The following RAB38 variants were observed in gnomAD, a reference collection of about 807,000 sequenced individuals.
The protein encoded by RAB38 is RAB38, member RAS oncogene family.
RAB38 carries 15 observed loss-of-function variants against 18.4 expected under a neutral mutation model. That is an observed-to-expected ratio of 0.82 (90% CI 0.55 to 1.26). The LOEUF (loss-of-function observed/expected upper bound fraction) is 1.26. RAB38 is among the 50% of genes most tolerant of loss of function. RAB38 has a pLI of 0.00. For missense variants in RAB38, 294 were observed against 267.4 expected (o/e 1.10, Z -0.69); for synonymous variants, 101 against 104.4 (o/e 0.97, Z 0.20).
chr11:88,124,931 G>T (rs1269511480), intron 2 of RAB38, among the ~76,000 whole-genome samples: 1 of 152,156 alleles, frequency 6.6e-6, no homozygotes, highest in Non-Finnish European at 1.5e-5. Flanking sequence ...GCTTTAATTT[G>T]CTACGCAATA....
At chr11:88,099,731 A>T in the RAB38 span, among the ~76,000 whole-genome samples, 1 of 151,824 alleles carries the variant, frequency 6.6e-6, no homozygotes, top group Non-Finnish European at 1.5e-5. Context: ...CTAGGACAAG[A>T]GTGTTGGGTC....
chr11:88,062,648 T>C, the RAB38 span, among the ~76,000 whole-genome samples: 2 of 152,326 alleles, frequency 1.3e-5, no homozygotes, highest in South Asian at 4.1e-4. Context: ...CTGACTGTCT[T>C]TAATTAATCT....
chr11:87,851,030 G>T, the RAB38 span, among the ~76,000 whole-genome samples: 1 of 152,194 alleles, frequency 6.6e-6, no homozygotes, highest in Admixed American at 6.6e-5. Context: ...AAGCCTGGGG[G>T]CGGTCCCCCG....
chr11:88,162,956 C>T (rs1250189929), intron 1 of RAB38, among the ~76,000 whole-genome samples: 1 of 152,154 alleles, frequency 6.6e-6, no homozygotes, highest in Non-Finnish European at 1.5e-5. Context: ...TCTACCCATT[C>T]TTTAAGGTTG....
the RAB38 span, among the ~76,000 whole-genome samples, chr11:87,865,881 G>A: frequency 6.6e-6 from 1 of 151,750 alleles, no homozygotes; most frequent in African/African-American, 2.4e-5. Flanking sequence ...GGACTATGTT[G>A]GTGCAACAGC....
chr11:87,910,826 G>C, the RAB38 span, among the ~76,000 whole-genome samples: 1 of 151,496 alleles, frequency 6.6e-6, no homozygotes, highest in Admixed American at 6.6e-5. Flanking sequence ...TAGTAGAGAC[G>C]GGGTTTCACC....
intron 2 of RAB38, among the ~76,000 whole-genome samples, chr11:88,119,603 A>T (rs1942604084): frequency 1.3e-5 from 2 of 151,730 alleles, no homozygotes; most frequent in South Asian, 4.2e-4. Context: ...CAGTTTTTTA[A>T]TTAGCTCTTC....
At chr11:88,022,551 C>G in the RAB38 span, among the ~76,000 whole-genome samples, 1 of 126,708 alleles carries the variant, frequency 7.9e-6, no homozygotes, top group African/African-American at 2.9e-5. Context: ...AAGGAAGAAG[C>G]CAAACTATTC....
chr11:87,906,264 C>T, the RAB38 span, among the ~76,000 whole-genome samples: 2 of 151,868 alleles, frequency 1.3e-5, no homozygotes, highest in Non-Finnish European at 2.9e-5. Flanking sequence ...TCAATTATTC[C>T]CATTTTCACC....
the RAB38 span, among the ~76,000 whole-genome samples, chr11:88,015,812 AG>A: frequency 1.3e-5 from 2 of 152,026 alleles, no homozygotes. Context: ...TGGGCTTTGG[AG>A]CCTTTGCATG....
At chr11:87,886,527 T>A in the RAB38 span, among the ~76,000 whole-genome samples, 1 of 151,886 alleles carries the variant, frequency 6.6e-6, no homozygotes, top group South Asian at 2.1e-4. Flanking sequence ...AACCTGTGGT[T>A]AAGGATTTAC....
At chr11:87,976,426 T>A in the RAB38 span, among the ~76,000 whole-genome samples, 1,587 of 134,316 alleles carry the variant, frequency 0.012, 37 homozygotes, top group African/African-American at 0.04. Flanking sequence ...TATTTATATA[T>A]TATGCATTTA....
chr11:88,172,990 T>A (rs1943328473), intron 1 of RAB38, among the ~76,000 whole-genome samples: 1 of 152,152 alleles, frequency 6.6e-6, no homozygotes, highest in African/African-American at 2.4e-5. Flanking sequence ...AGAATGAACT[T>A]CCCAAGACTT....
At chr11:87,865,907 T>A in the RAB38 span, among the ~76,000 whole-genome samples, 1 of 151,734 alleles carries the variant, frequency 6.6e-6, no homozygotes, top group East Asian at 1.9e-4. Context: ...GCCCCTAATC[T>A]TTATCTTTTT....
At chr11:88,053,097 T>A in the RAB38 span, among the ~76,000 whole-genome samples, 1 of 132,680 alleles carries the variant, frequency 7.5e-6, no homozygotes. Flanking sequence ...ATATATATTA[T>A]ATATATACAC....
At chr11:88,097,680 A>G in the RAB38 span, among the ~76,000 whole-genome samples, 1 of 151,850 alleles carries the variant, frequency 6.6e-6, no homozygotes, top group African/African-American at 2.4e-5. Flanking sequence ...ATTTCCTGTT[A>G]GCTTTACATT....
the RAB38 span, among the ~76,000 whole-genome samples, chr11:88,026,165 A>G: frequency 6.6e-6 from 1 of 151,972 alleles, no homozygotes; most frequent in Non-Finnish European, 1.5e-5. Flanking sequence ...GGGTTTCACC[A>G]TGTTGGTCAG....
At chr11:87,947,437 G>T in the RAB38 span, among the ~76,000 whole-genome samples, 1 of 152,038 alleles carries the variant, frequency 6.6e-6, no homozygotes, top group African/African-American at 2.4e-5. Flanking sequence ...CATTGCTTTT[G>T]GTGTTTTAGA....
chr11:87,934,051 C>A, the RAB38 span, among the ~76,000 whole-genome samples: 5 of 152,208 alleles, frequency 3.3e-5, no homozygotes, highest in African/African-American at 1.2e-4. Flanking sequence ...TCCTTTCTTA[C>A]ACAGCCAATA....
Sources: allele counts gnomAD v4.1 joint callset (sites outside exome capture counted in the v4.1 genomes callset), GRCh38; gene constraint gnomAD v4.1.1; transcripts MANE v1.5; gene names NCBI Gene and HGNC (gene_info 2026-07-23, HGNC 2026-07-21).